Variants in UBE2U observed in about 807,000 individuals in gnomAD.
UBE2U encodes ubiquitin conjugating enzyme E2 U, also known as ubiquitin-conjugating enzyme E2 U.
In UBE2U, 39 loss-of-function variants were observed where a neutral mutation model predicts 41.2. That is an observed-to-expected ratio of 0.95 (90% CI 0.73 to 1.24). The LOEUF (loss-of-function observed/expected upper bound fraction) is 1.24, where lower values mean the gene tolerates loss of function less well. UBE2U is among the 50% of genes most tolerant of loss of function. UBE2U has a pLI of 0.00. For missense variants in UBE2U, 336 were observed against 363.1 expected (o/e 0.93, Z 0.61); for synonymous variants, 107 against 117.8 (o/e 0.91, Z 0.60).
chr1:64,215,091 C>T (rs957883522), intron 5 of UBE2U, among the ~76,000 whole-genome samples, 159 bp downstream of exon 5: 3 of 152,114 alleles, frequency 2.0e-5, no homozygotes, highest in East Asian at 1.9e-4. Context: ...ATTAGCTGGG[C>T]GTAGTGGCAC....
At chr1:64,233,911 T>G (rs4915953) in intron 7 of UBE2U, among the ~76,000 whole-genome samples, 18,027 of 152,268 alleles carry the variant, frequency 0.12, 1,531 homozygotes, top group East Asian at 0.41. Context: ...CTCTTCTTAC[T>G]TGCACTCCCA....
intron 6 of UBE2U, among the ~76,000 whole-genome samples, chr1:64,228,484 G>A (rs17126247): frequency 0.15 from 22,680 of 152,044 alleles, 2,074 homozygotes; most frequent in East Asian, 0.43. Flanking sequence ...AGAAGGAGGA[G>A]TGTAATACCA....
chr1:64,248,646 T>C (rs1406451633), intron 8 of UBE2U, among the ~76,000 whole-genome samples: 2 of 152,042 alleles, frequency 1.3e-5, no homozygotes, highest in Non-Finnish European at 2.9e-5. Context: ...CATTAAAAAT[T>C]TTTGTTTTTA....
intron 3 of UBE2U, among the ~76,000 whole-genome samples, chr1:64,210,335 A>G (rs761434647): frequency 2.6e-5 from 4 of 152,256 alleles, no homozygotes; most frequent in South Asian, 2.1e-4. Context: ...GGTTGTGCCC[A>G]TCCTCAATGT....
intron 6 of UBE2U, among the ~76,000 whole-genome samples, chr1:64,230,491 T>C (rs1344478322): frequency 6.6e-6 from 1 of 152,202 alleles, no homozygotes; most frequent in African/African-American, 2.4e-5. Flanking sequence ...AATTGTTCTA[T>C]AATTTCTTCC....
In UBE2U at chr1:64,222,091, C is replaced by CAAAAAA. The variant is rs10632119; in HGVS notation, c.506+1197_506+1202dup. 1.5e-3 allele frequency among the ~76,000 whole-genome samples: 149 copies of CAAAAAA among 98,004 alleles called. 1 individual carries two copies. The highest frequency in any genetic ancestry group is 5.2e-3 in the African/African-American group (132 of 25,204). The allele number at this position is 98,004 out of a possible 152,430, so 64.3% of individuals were successfully genotyped here. A position where few individuals can be genotyped will look rare whatever the true frequency, so the allele number is the denominator to read the frequency against. On this transcript the variant is annotated intron_variant, in intron 6 of 9. Coordinates refer to ENST00000371077, the MANE Select transcript of UBE2U (RefSeq NM_001366232.2). ...TGGGCGACAGAGAGAGACTCCATCT[C>CAAAAAA]AAAAAAAAAAAAAAAAAACACAAAA... is the stretch of plus-strand genomic sequence containing the variant.
chr1:64,240,764 T>G (rs898255868), intron 7 of UBE2U, among the ~76,000 whole-genome samples: 4 of 152,200 alleles, frequency 2.6e-5, no homozygotes, highest in African/African-American at 7.2e-5. Context: ...TTTTAAATTT[T>G]TATTTATTTA....
chr1:64,266,939 T>C, intron 9 of UBE2U, 85 bp from the exon 10 acceptor site: 1 of 1,268,222 alleles, frequency 7.9e-7, no homozygotes, highest in Non-Finnish European at 1.1e-6. Flanking sequence ...TTTGGCATTA[T>C]CCTACAAATG....
intron 5 of UBE2U, 83 bp downstream of exon 5, chr1:64,215,015 C>A: frequency 9.5e-7 from 1 of 1,056,038 alleles, no homozygotes; most frequent in Non-Finnish European, 1.4e-6. Context: ...GGTGGATCAT[C>A]TGAGGTCCGG....
intron 8 of UBE2U, among the ~76,000 whole-genome samples, chr1:64,249,439 C>A (rs142486711): frequency 6.8e-4 from 100 of 147,248 alleles, no homozygotes; most frequent in African/African-American, 2.4e-3. Flanking sequence ...TGACCCACAA[C>A]CAAAAGAAAT....
rs1645269087 is a variant in UBE2U at position 64,267,266 on chromosome 1, A to T, written c.*58A>T. ...CCTCCGCCATAGCCCAGCGTTGTGG[A>T]GCAATTTTGGAAGACTCTCAGAACT... is the stretch of plus-strand genomic sequence containing the variant. On this transcript the variant is annotated 3_prime_UTR_variant, in exon 10 of 10. Transcript: ENST00000371077. 14 of 1,366,588 alleles carry T rather than the reference A, an allele frequency of 1.0e-5. No individual in the cohort carries two copies. The highest frequency in any genetic ancestry group is 1.3e-5 in the Non-Finnish European group (14 of 1,045,418). 84.7% of individuals were successfully genotyped at this position (1,366,588 alleles called of 1,614,324 possible).
At chr1:64,231,541 TACTTA>T (rs1261458867) in intron 6 of UBE2U, among the ~76,000 whole-genome samples, 1 of 152,254 alleles carries the variant, frequency 6.6e-6, no homozygotes, top group Admixed American at 6.5e-5. Context: ...TTCAAATTTC[TACTTA>T]AGTGTGATTG....
At chr1:64,231,735 CT>C (rs1644570228) in intron 6 of UBE2U, among the ~76,000 whole-genome samples, 1 of 152,170 alleles carries the variant, frequency 6.6e-6, no homozygotes, top group Non-Finnish European at 1.5e-5. Context: ...CTTGTTCTGA[CT>C]GAAAACTTGC....
rs752939389 is a variant in UBE2U at position 64,214,847 on chromosome 1, A to G, written c.372A>G (p.Pro124=). The stretch of plus-strand genomic sequence containing the variant: ...TTTCTAATCCAGTGCTAGAGAATCC[A>G]GTGAATTTGGAAGCAGCCAGAATAC... ...VMLSNPVLEN[P]VNLEAARILV... Residue 124 remains proline (P), a synonymous_variant, in exon 5 of 10, where the codon CCA becomes CCG. Transcript: ENST00000371077. The G allele has an allele frequency of 1.2e-6, 2 of 1,614,190 alleles. No homozygotes were observed. Among genetic ancestry groups the G allele is most frequent in the Non-Finnish European group, 1.7e-6 (2 of 1,180,000 alleles).
intron 5 of UBE2U, among the ~76,000 whole-genome samples, chr1:64,218,116 G>A (rs1652154445): frequency 6.6e-6 from 1 of 152,008 alleles, no homozygotes; most frequent in African/African-American, 2.4e-5. Context: ...ATACTTTGTG[G>A]GTGTCGGGGG....
intron 3 of UBE2U, among the ~76,000 whole-genome samples, chr1:64,207,817 C>T (rs903321376): frequency 1.9e-4 from 29 of 152,264 alleles, no homozygotes; most frequent in African/African-American, 7.0e-4. Context: ...ACTGCAAAAC[C>T]TGTTAAAACT....
At chr1:64,217,079 T>C (rs1158393649) in intron 5 of UBE2U, among the ~76,000 whole-genome samples, 1 of 152,214 alleles carries the variant, frequency 6.6e-6, no homozygotes, top group Non-Finnish European at 1.5e-5. Context: ...GTAAAGTCCA[T>C]CCAGGTCCCA....
In UBE2U at chr1:64,244,115, T is replaced by C. The variant is rs538749259; in HGVS notation, c.677+2382T>C. The C allele has an allele frequency of 3.0e-5, 47 of 1,592,486 alleles. No individual in the cohort carries two copies. In the South Asian group the frequency reaches 4.2e-4, roughly 14 times the overall value. On this transcript the variant is annotated intron_variant, in intron 8 of 9. Coordinates refer to ENST00000371077, the MANE Select transcript of UBE2U (RefSeq NM_001366232.2). Reference sequence around the variant, plus strand: ...TGCTTTTAAAACTTTACTGTGGCCCTCATTCAATTTGCAGATGAAAAATCT... The same window carrying C: ...TGCTTTTAAAACTTTACTGTGGCCCCCATTCAATTTGCAGATGAAAAATCT...
intron 9 of UBE2U, 40 bp from the exon 10 acceptor site, chr1:64,266,982 TTA>T: frequency 6.7e-7 from 1 of 1,494,740 alleles, no homozygotes; most frequent in South Asian, 1.3e-5. Flanking sequence ...GTTTTTCTTA[TTA>T]TGTCTATTAA....
Sources: allele counts gnomAD v4.1 joint callset (sites outside exome capture counted in the v4.1 genomes callset), GRCh38; gene constraint gnomAD v4.1.1; transcripts MANE v1.5; gene names NCBI Gene and HGNC (gene_info 2026-07-23, HGNC 2026-07-21).